UBE4A: variants seen among roughly 807,000 people sequenced by gnomAD.
The protein encoded by UBE4A is ubiquitin conjugation factor E4 A.
A neutral mutation model predicts 117.9 loss-of-function variants in UBE4A; 48 were observed. The observed-to-expected ratio is 0.41, with a 90% CI of 0.32 to 0.52. The LOEUF is 0.52. Among genes scored for constraint, UBE4A ranks in the 20% least tolerant of loss-of-function variants. The pLI is 0.33. For missense variants in UBE4A, 1,067 were observed against 1,296.3 expected (o/e 0.82, Z 2.72); for synonymous variants, 407 against 450.0 (o/e 0.90, Z 1.21).
At chr11:118,367,518 CTTTTT>C (rs36110679) in intron 2 of UBE4A, among the ~76,000 whole-genome samples, 2 of 123,302 alleles carry the variant, frequency 1.6e-5, no homozygotes. Context: ...TAAATGTTAA[CTTTTT>C]TTTTTTTTTT....
At chr11:118,383,583 C>T (rs1948726386) in intron 13 of UBE4A, among the ~76,000 whole-genome samples, 1 of 141,940 alleles carries the variant, frequency 7.0e-6, no homozygotes, top group East Asian at 2.1e-4. Context: ...GCAAGAAATC[C>T]CTCTCAAAAA....
intron 16 of UBE4A, among the ~76,000 whole-genome samples, chr11:118,387,256 T>TA (rs1193633355): frequency 4.6e-5 from 7 of 152,080 alleles, no homozygotes; most frequent in Admixed American, 6.6e-5. Flanking sequence ...AAAAACTTTT[T>TA]AAAAAAACTT....
intron 16 of UBE4A, among the ~76,000 whole-genome samples, chr11:118,386,869 C>G (rs1280852293): frequency 6.6e-6 from 1 of 152,046 alleles, no homozygotes; most frequent in African/African-American, 2.4e-5. Flanking sequence ...GACAAGTTAG[C>G]CATATAAATA....
intron 2 of UBE4A, among the ~76,000 whole-genome samples, chr11:118,367,324 C>T (rs2134087595): frequency 6.6e-6 from 1 of 151,138 alleles, no homozygotes; most frequent in East Asian, 1.9e-4. Flanking sequence ...AAAGATGTGA[C>T]ATGCAACTTA....
At chr11:118,379,813 T>G in intron 11 of UBE4A, 63 bp downstream of exon 11, 1 of 1,524,538 alleles carries the variant, frequency 6.6e-7, no homozygotes, top group Non-Finnish European at 8.8e-7. Flanking sequence ...TGGGTCACTT[T>G]GGAAGTTTAA....
chr11:118,382,800 C>T, intron 13 of UBE4A, 24 bp downstream of exon 13: 1 of 1,529,242 alleles, frequency 6.5e-7, no homozygotes, highest in Non-Finnish European at 8.9e-7. Context: ...GAAGCTGAGC[C>T]CAGAACTGGG....
chr11:118,370,678 T>C (rs1010542150), intron 4 of UBE4A, among the ~76,000 whole-genome samples: 10 of 151,706 alleles, frequency 6.6e-5, no homozygotes, highest in Non-Finnish European at 1.5e-4. Flanking sequence ...TTTATTTAGC[T>C]CACAGTTCTG....
At chr11:118,380,973 G>A (rs1385633512) in intron 11 of UBE4A, among the ~76,000 whole-genome samples, 1 of 152,172 alleles carries the variant, frequency 6.6e-6, no homozygotes, top group East Asian at 1.9e-4. Flanking sequence ...CTGAAAGAGT[G>A]AATGTGGGAG....
chr11:118,364,141 A>G (rs1231049444), intron 1 of UBE4A, among the ~76,000 whole-genome samples: 1 of 152,040 alleles, frequency 6.6e-6, no homozygotes, highest in Non-Finnish European at 1.5e-5. Context: ...TGGCCTTAAA[A>G]TTTCAGAAAG....
chr11:118,391,027 A>C (rs1948811027), intron 18 of UBE4A, among the ~76,000 whole-genome samples: 1 of 151,976 alleles, frequency 6.6e-6, no homozygotes, highest in Non-Finnish European at 1.5e-5. Flanking sequence ...AAATCCATGC[A>C]AAAAAAATCA....
At chr11:118,392,510 C>A (rs1948828717) in intron 18 of UBE4A, among the ~76,000 whole-genome samples, 1 of 152,224 alleles carries the variant, frequency 6.6e-6, no homozygotes, top group Non-Finnish European at 1.5e-5. Context: ...TGACTGCCAG[C>A]AGCTGAGCCA....
rs771016739 is a variant in UBE4A, at chr11:118,373,514, G to T, written c.945G>T (p.Gln315His). 33 of 1,613,770 alleles carry T rather than the reference G, an allele frequency of 2.0e-5. No homozygotes were observed. Among genetic ancestry groups the T allele is most frequent in the Non-Finnish European group, 2.8e-5 (33 of 1,179,900 alleles). ...TACAGGTTTTTGTAGAATACATTCA[G>T]CCCAAGGACCCTACCAATGGGCAAA... Reference protein sequence around the residue: ...DMAKVFVEYIQPKDPTNGQMY... With the variant: ...DMAKVFVEYIHPKDPTNGQMY... The change falls in exon 8 of 20, where the codon CAG (glutamine) becomes CAT (histidine). Residue 315 changes from glutamine (Q) to histidine (H), a missense_variant. Physicochemically the swap from Gln to His is conservative, Grantham distance 24. This residue lies in a region of UBE4A where 1,001 missense variants were observed against 1,184.0 expected (regional missense o/e 0.85). Transcript: ENST00000252108.
At chr11:118,395,331 G>GA (rs34524305) in intron 19 of UBE4A, among the ~76,000 whole-genome samples, 349 of 97,732 alleles carry the variant, frequency 3.6e-3, no homozygotes, top group Middle Eastern at 0.013. Context: ...CTCCATCTCA[G>GA]AAAAAAAAAA....
rs782171157 is a variant in UBE4A, at chr11:118,381,507, A to C, written c.1993A>C (p.Thr665Pro). 2 of 1,613,878 alleles carry C rather than the reference A, an allele frequency of 1.2e-6. No homozygotes were observed. The highest frequency in any genetic ancestry group is 3.3e-5 in the Admixed American group (2 of 60,000). The change falls in exon 12 of 20, where the codon ACT becomes CCT. Residue 665 changes from threonine to proline, a missense_variant. By Grantham distance (38) the Thr-to-Pro change is conservative. Transcript: ENST00000252108. Reference sequence around the variant, plus strand: ...TGTCCTTCACTTTATCACCATTTTCACTGGAAGCATAGAAAGGTGAAGTGC... The same window carrying C: ...TGTCCTTCACTTTATCACCATTTTCCCTGGAAGCATAGAAAGGTGAAGTGC... Reference protein sequence around the residue: ...EHVLHFITIFTGSIERMKNPH... With the variant: ...EHVLHFITIFPGSIERMKNPH...
In UBE4A at chr11:118,391,610, C is replaced by T. The variant is rs954047203; in HGVS notation, c.2916+806C>T. Among the ~76,000 whole-genome samples, 8 of 150,834 alleles carry T rather than the reference C, an allele frequency of 5.3e-5. No individual in the cohort carries two copies. In the South Asian group the frequency reaches 8.4e-4, roughly 16 times the overall value. On this transcript the variant is annotated intron_variant, in intron 18 of 19. Coordinates refer to ENST00000252108, the MANE Select transcript of UBE4A (RefSeq NM_001204077.2). ...GAGATAGCGACCATCCTGGCTAACA[C>T]GGTGAAACCCCATCTCTACTAAAAA... is the stretch of plus-strand genomic sequence containing the variant.
Position 118,390,820 on chromosome 11 carries a change from A to G in UBE4A, c.2916+16A>G. 6.2e-7 allele frequency: 1 copy of G among 1,608,598 alleles called. No individual in the cohort carries two copies. Among genetic ancestry groups the G allele is most frequent in the Non-Finnish European group, 8.5e-7 (1 of 1,176,606 alleles). On this transcript the variant is annotated intron_variant, in intron 18 of 19. Coordinates refer to ENST00000252108, the MANE Select transcript of UBE4A (RefSeq NM_001204077.2). ...GAGAATCAAGGTGAGGAAGAGGAGG[A>G]ATTGTTTGCTGATTTCATTAAGAAC...
intron 9 of UBE4A, among the ~76,000 whole-genome samples, chr11:118,376,031 C>T (rs1948649746): frequency 6.6e-6 from 1 of 151,976 alleles, no homozygotes; most frequent in Non-Finnish European, 1.5e-5. Context: ...AGGTACAAAG[C>T]TATGGAAAAT....
At position 118,368,023 on chromosome 11, in the gene UBE4A, A is replaced by G. The variant is rs148834954; in HGVS notation, c.122-608A>G. ...GCAAAAGATGTGATACAATACAGCT[A>G]TTAAAAATAGTGAGGTAGGCCTCTA... On this transcript the variant is annotated intron_variant, in intron 2 of 19. Coordinates refer to ENST00000252108, the MANE Select transcript of UBE4A (RefSeq NM_001204077.2). Among the ~76,000 whole-genome samples, 151 of 152,366 alleles carry G rather than the reference A, an allele frequency of 9.9e-4. 2 individuals are homozygous for G. In the East Asian group the frequency reaches 0.026, roughly 26 times the overall value.
intron 2 of UBE4A, among the ~76,000 whole-genome samples, chr11:118,368,024 T>C (rs922738604): frequency 6.6e-6 from 1 of 152,172 alleles, no homozygotes; most frequent in Non-Finnish European, 1.5e-5. Context: ...AATACAGCTA[T>C]TAAAAATAGT....
Sources: gnomAD v4.1 joint callset for allele counts (sites outside exome capture counted in the v4.1 genomes callset) on GRCh38, gnomAD v4.1.1 for gene constraint, gnomAD v4.1.1 regional missense constraint, MANE v1.5 for transcripts, NCBI Gene and HGNC (gene_info 2026-07-23, HGNC 2026-07-21) for gene names.